Variants in PCCB observed in about 807,000 individuals in gnomAD.
PCCB encodes propionyl-CoA carboxylase beta chain, mitochondrial.
A neutral mutation model predicts 60.7 loss-of-function variants in PCCB; 43 were observed. The ratio of observed to expected loss-of-function variants is 0.71; its 90% CI spans 0.55 to 0.91. PCCB has a LOEUF of 0.91. Ranked by LOEUF, PCCB falls within the 40% of genes least tolerant of loss-of-function variation. The pLI is 0.00. For synonymous variants in PCCB, 276 were observed against 255.9 expected (o/e 1.08, Z -0.75); for missense variants, 766 against 702.8 (o/e 1.09, Z -1.02).
At chr3:136,290,384 T>C (rs1205898226) in intron 6 of PCCB, among the ~76,000 whole-genome samples, 2 of 152,202 alleles carry the variant, frequency 1.3e-5, no homozygotes. Context: ...TAAGAAAAAT[T>C]TGGATATAAT....
intron 5 of PCCB, among the ~76,000 whole-genome samples, chr3:136,280,796 T>G (rs892770211): frequency 2.0e-5 from 3 of 152,162 alleles, no homozygotes; most frequent in Admixed American, 6.5e-5. Flanking sequence ...GAGTAGCTAG[T>G]AGAACACCAC....
intron 6 of PCCB, among the ~76,000 whole-genome samples, chr3:136,289,860 C>G (rs1462589251): frequency 6.8e-6 from 1 of 147,930 alleles, no homozygotes; most frequent in African/African-American, 2.5e-5. Flanking sequence ...AAGTTAATTT[C>G]AGATAACACT....
chr3:136,269,043 G>T (rs957229666), intron 5 of PCCB, among the ~76,000 whole-genome samples: 6 of 152,138 alleles, frequency 3.9e-5, no homozygotes, highest in Non-Finnish European at 7.3e-5. Context: ...CACTTGGGGA[G>T]GCCAAGGCAG....
In PCCB at chr3:136,327,178, A is replaced by G; in HGVS notation, c.1222A>G (p.Ile408Val). The G allele has an allele frequency of 1.2e-6, 2 of 1,614,136 alleles. No individual in the cohort carries two copies. Among genetic ancestry groups the G allele is most frequent in the Non-Finnish European group, 1.7e-6 (2 of 1,179,970 alleles). The change falls in exon 12 of 15, where the codon ATC becomes GTC. Residue 408 changes from isoleucine to valine, a missense_variant. Coordinates refer to ENST00000251654, the MANE Select transcript of PCCB (RefSeq NM_000532.5). The stretch of plus-strand genomic sequence containing the variant: ...AGGCACAGCACAGGAATACGGGGGC[A>G]TCATCCGGCATGGTGCCAAGCTTCT... ...LPGTAQEYGG[I>V]IRHGAKLLYA...
chr3:136,272,773 A>AT (rs1006631085), intron 5 of PCCB, among the ~76,000 whole-genome samples: 1 of 151,120 alleles, frequency 6.6e-6, no homozygotes, highest in Non-Finnish European at 1.5e-5. Context: ...AATTTTGTTT[A>AT]TTTTTTCAAG....
At chr3:136,266,456 CTG>C (rs1324805879) in intron 5 of PCCB, among the ~76,000 whole-genome samples, 2 of 152,112 alleles carry the variant, frequency 1.3e-5, no homozygotes, top group Non-Finnish European at 2.9e-5. Flanking sequence ...GGGTCTCACT[CTG>C]TTGTTCAGGC....
chr3:136,301,809 C>T (rs1042229735), intron 9 of PCCB, among the ~76,000 whole-genome samples: 4 of 152,058 alleles, frequency 2.6e-5, no homozygotes, highest in Non-Finnish European at 4.4e-5. Flanking sequence ...CTTCCTGCAC[C>T]AAGGATTAGC....
At chr3:136,327,378 C>A in intron 12 of PCCB, 123 bp downstream of exon 12, 1 of 796,412 alleles carries the variant, frequency 1.3e-6, no homozygotes. Context: ...TTAAAAAGAT[C>A]TCTTGAGGAT....
At position 136,261,221 on chromosome 3, in the gene PCCB, T is replaced by G. The variant is rs116014636; in HGVS notation, c.429+686T>G. On this transcript the variant is annotated intron_variant, in intron 4 of 14. Coordinates refer to ENST00000251654, the MANE Select transcript of PCCB (RefSeq NM_000532.5). The stretch of plus-strand genomic sequence containing the variant: ...ATATTTAAAAACTACTGCTAGAGAT[T>G]AGATGCTCTGGAGAGGAATAAAACT... Among the ~76,000 whole-genome samples, 1,189 of 152,308 alleles carry G rather than the reference T, an allele frequency of 7.8e-3. 23 individuals carry two copies. Among genetic ancestry groups the G allele is most frequent in the African/African-American group, 0.026 (1,084 of 41,562 alleles).
At chr3:136,314,084 C>T (rs1934781468) in intron 9 of PCCB, among the ~76,000 whole-genome samples, 1 of 151,976 alleles carries the variant, frequency 6.6e-6, no homozygotes, top group Admixed American at 6.6e-5. Flanking sequence ...GGAGAAATGG[C>T]TGATTGTAGG....
chr3:136,300,118 A>C (rs1377306753), intron 8 of PCCB, among the ~76,000 whole-genome samples: 3 of 151,642 alleles, frequency 2.0e-5, no homozygotes, highest in African/African-American at 7.3e-5. Context: ...GCATATCTAC[A>C]CGTGTATATA....
chr3:136,301,133 C>T (rs377057940), intron 9 of PCCB, 22 bp downstream of exon 9: 14 of 1,581,674 alleles, frequency 8.9e-6, no homozygotes, highest in African/African-American at 8.1e-5. Flanking sequence ...ATCTGTTTGT[C>T]TTGCCTGTCC....
At chr3:136,292,134 G>GT (rs1576333550) in intron 6 of PCCB, among the ~76,000 whole-genome samples, 2 of 152,056 alleles carry the variant, frequency 1.3e-5, no homozygotes. Context: ...AAAACTGTTG[G>GT]TTTTTCCCCT....
chr3:136,278,516 G>A (rs1942392051), intron 5 of PCCB, among the ~76,000 whole-genome samples: 1 of 152,010 alleles, frequency 6.6e-6, no homozygotes, highest in African/African-American at 2.4e-5. Context: ...ACCTCTCAAA[G>A]TATTTTCTAA....
intron 10 of PCCB, 81 bp downstream of exon 10, chr3:136,317,145 T>G (rs941708521): frequency 6.8e-7 from 1 of 1,473,518 alleles, no homozygotes; most frequent in Non-Finnish European, 9.5e-7. Flanking sequence ...TTCTGTCTTT[T>G]GCCTGTTCTT....
chr3:136,298,377 T>A (rs897154792), intron 8 of PCCB, among the ~76,000 whole-genome samples: 4 of 152,004 alleles, frequency 2.6e-5, no homozygotes, highest in Non-Finnish European at 5.9e-5. Flanking sequence ...GAGATTCAAG[T>A]TTTTTTTGGT....
At chr3:136,298,821 A>G (rs1440681499) in intron 8 of PCCB, among the ~76,000 whole-genome samples, 2 of 152,060 alleles carry the variant, frequency 1.3e-5, no homozygotes, top group African/African-American at 2.4e-5. Context: ...TGCAGAAGGG[A>G]TTTGAAATTG....
chr3:136,327,971 G>A (rs1353669957), intron 13 of PCCB, among the ~76,000 whole-genome samples: 6 of 152,190 alleles, frequency 3.9e-5, no homozygotes, highest in African/African-American at 1.2e-4. Context: ...AGGTGGGTGC[G>A]GCAGGTGAAA....
At position 136,277,609 on chromosome 3, in the gene PCCB, G is replaced by C. The variant is rs528627052; in HGVS notation, c.544-6228G>C. On this transcript the variant is annotated intron_variant, in intron 5 of 14. Transcript: ENST00000251654. The stretch of plus-strand genomic sequence containing the variant: ...AAAGCCGTGGCTCCTATGAGGGTTG[G>C]GGGGGCGGTTCTCAGGTCATTAGGG... 5.3e-5 allele frequency among the ~76,000 whole-genome samples: 8 copies of C among 152,168 alleles called. No individual in the cohort carries two copies. The East Asian group carries it at 9.7e-4, about 18-fold the overall frequency.
Sources: allele counts gnomAD v4.1 joint callset (sites outside exome capture counted in the v4.1 genomes callset), GRCh38; gene constraint gnomAD v4.1.1; transcripts MANE v1.5; gene names NCBI Gene and HGNC (gene_info 2026-07-23, HGNC 2026-07-21).